Variants in HUNK observed in about 807,000 individuals in gnomAD.
HUNK encodes the protein hormonally up-regulated neu tumor-associated kinase.
HUNK carries 21 observed loss-of-function variants against 61.0 expected under a neutral mutation model. That is an observed-to-expected ratio of 0.34 (90% CI 0.24 to 0.50). HUNK has a LOEUF of 0.50. Among genes scored for constraint, HUNK ranks in the 20% least tolerant of loss-of-function variants. HUNK has a pLI of 0.98. For synonymous variants in HUNK, 371 were observed against 386.1 expected (o/e 0.96, Z 0.46); for missense variants, 772 against 945.7 (o/e 0.82, Z 2.41).
chr21:31,976,921 C>A (rs1423247666), intron 7 of HUNK, among the ~76,000 whole-genome samples: 1 of 151,910 alleles, frequency 6.6e-6, no homozygotes, highest in Non-Finnish European at 1.5e-5. Context: ...CAGGTACGCA[C>A]CACCATGACC....
intron 8 of HUNK, among the ~76,000 whole-genome samples, chr21:31,986,656 C>A (rs2053135477): frequency 6.6e-6 from 1 of 152,190 alleles, no homozygotes; most frequent in Admixed American, 6.5e-5. Flanking sequence ...ACACACACAG[C>A]GCTGCATCCC....
rs150634429 is a variant in HUNK at position 31,941,589 on chromosome 21, G to A, written c.610+1369G>A. ...CCCAAAGTGCTGGGATTACAGGCAT[G>A]AGCCACCATGCCTGGCTGATTTTCT... On this transcript the variant is annotated intron_variant, in intron 3 of 10. Coordinates refer to ENST00000270112, the MANE Select transcript of HUNK (RefSeq NM_014586.2). 2.0e-5 allele frequency among the ~76,000 whole-genome samples: 3 copies of A among 152,298 alleles called. No homozygotes were observed. In the East Asian group the frequency reaches 5.8e-4, roughly 29 times the overall value.
chr21:31,947,422 C>T (rs1007601540), intron 4 of HUNK, among the ~76,000 whole-genome samples: 2 of 152,256 alleles, frequency 1.3e-5, no homozygotes, highest in African/African-American at 2.4e-5. Flanking sequence ...GGCGTCACTG[C>T]CGAGATCATT....
intron 3 of HUNK, among the ~76,000 whole-genome samples, chr21:31,944,706 A>G (rs1429731166): frequency 1.3e-5 from 2 of 152,110 alleles, no homozygotes; most frequent in East Asian, 3.9e-4. Context: ...AGAAGAGCTC[A>G]GTGTTTGGAC....
intron 1 of HUNK, among the ~76,000 whole-genome samples, chr21:31,876,446 A>G (rs1046179000): frequency 6.6e-6 from 1 of 152,204 alleles, no homozygotes; most frequent in African/African-American, 2.4e-5. Flanking sequence ...TTTGGGTTTT[A>G]GCAGATTGTG....
chr21:31,887,929 T>TC (rs1312210981), intron 1 of HUNK, among the ~76,000 whole-genome samples: 1 of 152,134 alleles, frequency 6.6e-6, no homozygotes, highest in East Asian at 1.9e-4. Context: ...TGGTTTTTGC[T>TC]TTGATCATGA....
At chr21:31,888,765 C>G (rs1255066096) in intron 1 of HUNK, among the ~76,000 whole-genome samples, 1 of 148,302 alleles carries the variant, frequency 6.7e-6, no homozygotes, top group African/African-American at 2.5e-5. Flanking sequence ...AACAAACAAA[C>G]AAAAAAATGC....
At chr21:31,919,415 G>T (rs2052608426) in intron 1 of HUNK, among the ~76,000 whole-genome samples, 1 of 152,180 alleles carries the variant, frequency 6.6e-6, no homozygotes, top group South Asian at 2.1e-4. Context: ...GGTACAGGAA[G>T]AACTGCCTAA....
At chr21:31,890,618 T>C (rs1025987130) in intron 1 of HUNK, among the ~76,000 whole-genome samples, 8 of 152,220 alleles carry the variant, frequency 5.3e-5, no homozygotes, top group African/African-American at 1.4e-4. Flanking sequence ...AGTTCCCAAT[T>C]GTTGGACATT....
chr21:31,944,765 G>A (rs539986235), intron 3 of HUNK, among the ~76,000 whole-genome samples: 1 of 152,332 alleles, frequency 6.6e-6, no homozygotes, highest in African/African-American at 2.4e-5. Flanking sequence ...TATAGTTTGG[G>A]CTGAAGAGTC....
At chr21:31,977,817 C>G (rs773455043) in intron 7 of HUNK, among the ~76,000 whole-genome samples, 9 of 152,212 alleles carry the variant, frequency 5.9e-5, no homozygotes, top group Admixed American at 2.0e-4. Flanking sequence ...GTCCCAGCTA[C>G]TCAGGAGGCT....
rs149536329 is a variant in HUNK at position 31,902,151 on chromosome 21, C to T, written c.262-22317C>T. ...CTTCATGTAACTCCCACAAGCCCTA[C>T]GAGGAAGAATATGCCATTATTTCCC... On this transcript the variant is annotated intron_variant, in intron 1 of 10. Transcript: ENST00000270112. Among the ~76,000 whole-genome samples the T allele has an allele frequency of 1.9e-3, 295 of 152,246 alleles. 2 individuals carry two copies. Among genetic ancestry groups the T allele is most frequent in the African/African-American group, 6.6e-3 (276 of 41,538 alleles).
In HUNK at chr21:31,998,981, A is replaced by G. The variant is rs148000370; in HGVS notation, c.1942A>G (p.Met648Val). The G allele has an allele frequency of 1.9e-6, 3 of 1,614,064 alleles. No individual in the cohort carries two copies. The highest frequency in any genetic ancestry group is 2.5e-6 in the Non-Finnish European group (3 of 1,180,036). Residue 648 changes from methionine (M) to valine (V), a missense_variant, in exon 11 of 11, where the codon ATG becomes GTG. Physicochemically the swap from Met to Val is conservative, Grantham distance 21. Transcript: ENST00000270112. ...CPPPVPSNGP[M>V]QPLGSPNCVK... ...ACCTCCGGTTCCCAGCAATGGCCCC[A>G]TGCAGCCTCTGGGGAGCCCCAATTG...
Position 31,974,263 on chromosome 21 carries a change from T to C in HUNK, c.1011-292T>C, listed in dbSNP as rs375197729. ...GGGGGACATCTTTGGTTTTTGAAGGTGCACACTCAAGGGTTAAGGGGTAAA... is the reference window on the plus strand; with the variant it reads ...GGGGGACATCTTTGGTTTTTGAAGGCGCACACTCAAGGGTTAAGGGGTAAA... On this transcript the variant is annotated intron_variant, in intron 6 of 10. Transcript: ENST00000270112. 2.7e-5 allele frequency: 6 copies of C among 221,784 alleles called. No homozygotes were observed. The East Asian group carries it at 5.7e-4, about 21-fold the overall frequency. 13.7% of individuals were successfully genotyped at this position (221,784 alleles called of 1,614,324 possible).
rs570345460 is a variant in HUNK at position 31,883,507 on chromosome 21, A to G, written c.261+9572A>G. Among the ~76,000 whole-genome samples the G allele has an allele frequency of 3.9e-5, 6 of 152,136 alleles. No homozygotes were observed. In the South Asian group the frequency reaches 1.0e-3, roughly 26 times the overall value. ...TTATTGATTTATAGGAGCTCTTTAT[A>G]TATTAAGGAAATTAGTCGTCTTTGA... On this transcript the variant is annotated intron_variant, in intron 1 of 10. Transcript: ENST00000270112.
At position 32,001,020 on chromosome 21, in the gene HUNK, C is replaced by T. The variant is rs533244862; in HGVS notation, c.*1836C>T. 4 of 288,612 alleles carry T rather than the reference C, an allele frequency of 1.4e-5. No homozygotes were observed. Among genetic ancestry groups the T allele is most frequent in the South Asian group, 1.7e-4 (1 of 5,980 alleles). 17.9% of individuals were successfully genotyped at this position (288,612 alleles called of 1,614,324 possible). A position where few individuals can be genotyped will look rare whatever the true frequency, so the allele number is the denominator to read the frequency against. ...GGTGTGGTGGCTCACACCTGTAATCCCAGCACTTTGGGAGGCCGAGGCAGG... is the reference window on the plus strand; with the variant it reads ...GGTGTGGTGGCTCACACCTGTAATCTCAGCACTTTGGGAGGCCGAGGCAGG... On this transcript the variant is annotated 3_prime_UTR_variant, in exon 11 of 11. Transcript: ENST00000270112.
At chr21:31,987,431 T>C (rs1440449420) in intron 8 of HUNK, among the ~76,000 whole-genome samples, 2 of 152,166 alleles carry the variant, frequency 1.3e-5, no homozygotes, top group Non-Finnish European at 2.9e-5. Context: ...AGGTGGCCCC[T>C]AAGCCAACTT....
intron 6 of HUNK, among the ~76,000 whole-genome samples, chr21:31,972,742 A>T (rs1465166100): frequency 6.6e-6 from 1 of 152,188 alleles, no homozygotes; most frequent in Non-Finnish European, 1.5e-5. Context: ...GTTATCTGGA[A>T]TGTGTAATTT....
At chr21:31,900,416 T>C (rs974485915) in intron 1 of HUNK, among the ~76,000 whole-genome samples, 2 of 148,550 alleles carry the variant, frequency 1.3e-5, no homozygotes, top group African/African-American at 5.0e-5. Flanking sequence ...TGCAGGATTA[T>C]TTAGGCTAGA....
Sources: allele counts gnomAD v4.1 joint callset (sites outside exome capture counted in the v4.1 genomes callset), GRCh38; gene constraint gnomAD v4.1.1; transcripts MANE v1.5; gene names NCBI Gene and HGNC (gene_info 2026-07-23, HGNC 2026-07-21).